Variants in PRKG1 observed in about 807,000 individuals in gnomAD.
The protein encoded by PRKG1 is cGMP-dependent protein kinase 1.
In PRKG1, 35 loss-of-function variants were observed where a neutral mutation model predicts 88.1. The observed-to-expected ratio is 0.40, with a 90% CI of 0.30 to 0.53. PRKG1 has a LOEUF of 0.53. Among genes scored for constraint, PRKG1 ranks in the 20% least tolerant of loss-of-function variants. The probability of loss-of-function intolerance (pLI) is 0.59; values close to 1 mark genes in which losing one functional copy is unlikely to be tolerated. For missense variants in PRKG1, 540 were observed against 839.8 expected (o/e 0.64, Z 4.41); for synonymous variants, 303 against 292.5 (o/e 1.04, Z -0.37).
intron 2 of PRKG1, among the ~76,000 whole-genome samples, chr10:51,184,251 C>T (rs192349149): frequency 8.3e-4 from 126 of 152,196 alleles, no homozygotes; most frequent in Admixed American, 2.3e-3. Context: ...AGATAAAAGT[C>T]GATTCATCTC....
At chr10:51,227,074 A>G (rs1838712316) in intron 2 of PRKG1, among the ~76,000 whole-genome samples, 1 of 151,438 alleles carries the variant, frequency 6.6e-6, no homozygotes, top group Admixed American at 6.6e-5. Flanking sequence ...TCACCTTTGA[A>G]CTCTTACAGA....
At chr10:51,460,036 T>C (rs971897864) in intron 2 of PRKG1, among the ~76,000 whole-genome samples, 1 of 152,148 alleles carries the variant, frequency 6.6e-6, no homozygotes, top group Non-Finnish European at 1.5e-5. Flanking sequence ...TTCTCAACTC[T>C]GGCACTACTG....
intron 2 of PRKG1, among the ~76,000 whole-genome samples, chr10:51,254,394 T>C (rs559796285): frequency 6.6e-6 from 1 of 152,116 alleles, no homozygotes; most frequent in East Asian, 1.9e-4. Context: ...GAAATTATTG[T>C]ACTGCAGGCT....
intron 7 of PRKG1, chr10:52,062,937 T>G (rs989617790): frequency 9.5e-6 from 6 of 630,444 alleles, no homozygotes; most frequent in Middle Eastern, 3.2e-4. Context: ...CTGCTAAACT[T>G]TGTGCAATGA....
chr10:52,165,443 C>T (rs931357220), intron 9 of PRKG1, among the ~76,000 whole-genome samples: 1 of 152,134 alleles, frequency 6.6e-6, no homozygotes, highest in Non-Finnish European at 1.5e-5. Context: ...GTTGCCAATG[C>T]TGCAGGGGCT....
At chr10:51,114,231 T>C (rs745864425) in intron 1 of PRKG1, among the ~76,000 whole-genome samples, 9 of 152,170 alleles carry the variant, frequency 5.9e-5, no homozygotes, top group Non-Finnish European at 4.4e-5. Flanking sequence ...CATACTGATA[T>C]GAAAGCTAGG....
At chr10:51,470,716 A>G (rs113205343) in intron 3 of PRKG1, among the ~76,000 whole-genome samples, 4,587 of 151,934 alleles carry the variant, frequency 0.03, 97 homozygotes, top group Admixed American at 0.07. Flanking sequence ...ACACCTGTGG[A>G]TTTTTTCTAA....
At chr10:51,633,771 T>C (rs1034786351) in intron 3 of PRKG1, among the ~76,000 whole-genome samples, 1 of 152,144 alleles carries the variant, frequency 6.6e-6, no homozygotes, top group Admixed American at 6.5e-5. Flanking sequence ...ATTTTTAACA[T>C]GAAATGTCCC....
intron 4 of PRKG1, among the ~76,000 whole-genome samples, chr10:51,896,276 T>C (rs1841844207): frequency 6.6e-6 from 1 of 152,166 alleles, no homozygotes. Flanking sequence ...TTGCATATAC[T>C]GTATCATAAT....
At chr10:51,555,793 G>A (rs759898272) in intron 3 of PRKG1, among the ~76,000 whole-genome samples, 9 of 151,864 alleles carry the variant, frequency 5.9e-5, no homozygotes, top group Admixed American at 2.6e-4. Flanking sequence ...GAAGAGGAAG[G>A]GTTACTTTTG....
intron 3 of PRKG1, among the ~76,000 whole-genome samples, chr10:51,705,902 T>A (rs1390256566): frequency 6.6e-6 from 1 of 152,172 alleles, no homozygotes; most frequent in Non-Finnish European, 1.5e-5. Context: ...TGAAAGCAGG[T>A]CTCCTGAATT....
chr10:51,101,373 G>C (rs1844676866), intron 1 of PRKG1, among the ~76,000 whole-genome samples: 1 of 152,082 alleles, frequency 6.6e-6, no homozygotes, highest in South Asian at 2.1e-4. Context: ...CCTTGATCTT[G>C]GACTTCCCAA....
chr10:52,207,081 T>A (rs1229422204), intron 9 of PRKG1, among the ~76,000 whole-genome samples: 2 of 152,222 alleles, frequency 1.3e-5, no homozygotes, highest in Non-Finnish European at 2.9e-5. Flanking sequence ...AGTGGCAGTG[T>A]GGCAGACTGC....
chr10:51,361,823 CTTA>C (rs1027852317), intron 2 of PRKG1, among the ~76,000 whole-genome samples: 8 of 151,780 alleles, frequency 5.3e-5, no homozygotes, highest in Non-Finnish European at 8.8e-5. Context: ...ACCTTCAAAA[CTTA>C]TTTTTATATG....
At chr10:52,207,243 G>A (rs1564516117) in intron 9 of PRKG1, among the ~76,000 whole-genome samples, 1 of 152,088 alleles carries the variant, frequency 6.6e-6, no homozygotes, top group African/African-American at 2.4e-5. Flanking sequence ...GAGCAGGAGC[G>A]GGAGGATGCT....
intron 2 of PRKG1, among the ~76,000 whole-genome samples, chr10:51,334,477 G>A (rs1841823766): frequency 6.6e-6 from 1 of 152,130 alleles, no homozygotes. Flanking sequence ...ATGAATGATT[G>A]AATGAAGAGA....
rs529639045 is a variant in PRKG1, at chr10:51,280,799, G to A, written c.478+127469G>A. 2.9e-4 allele frequency among the ~76,000 whole-genome samples: 44 copies of A among 152,188 alleles called. 1 individual carries two copies. Among genetic ancestry groups the A allele is most frequent in the African/African-American group, 8.7e-4 (36 of 41,542 alleles). On this transcript the variant is annotated intron_variant, in intron 2 of 17. Coordinates refer to ENST00000373980, the MANE Select transcript of PRKG1 (RefSeq NM_006258.4). Reference sequence around the variant, plus strand: ...TTTTCAAGGTTTTTAGCTTCTTTGCGATGGGTTCGAACTTCCTCCTTTAGC... The same window carrying A: ...TTTTCAAGGTTTTTAGCTTCTTTGCAATGGGTTCGAACTTCCTCCTTTAGC...
At chr10:51,797,423 TTTTA>T (rs1839043371) in intron 3 of PRKG1, among the ~76,000 whole-genome samples, 1 of 146,186 alleles carries the variant, frequency 6.8e-6, no homozygotes, top group Admixed American at 6.9e-5. Context: ...ACATATTATA[TTTTA>T]TTTTATAATG....
At chr10:51,727,616 C>T (rs1234593942) in intron 3 of PRKG1, among the ~76,000 whole-genome samples, 1 of 152,056 alleles carries the variant, frequency 6.6e-6, no homozygotes, top group Non-Finnish European at 1.5e-5. Context: ...CCCTAATATT[C>T]CCAGATGAAC....
Sources: gnomAD v4.1 joint callset for allele counts (sites outside exome capture counted in the v4.1 genomes callset) on GRCh38, gnomAD v4.1.1 for gene constraint, MANE v1.5 for transcripts, NCBI Gene and HGNC (gene_info 2026-07-23, HGNC 2026-07-21) for gene names.